The following MAST4 variants were observed in gnomAD, a reference collection of about 807,000 sequenced individuals.
MAST4 encodes the protein microtubule associated serine/threonine kinase family member 4, also known as microtubule-associated serine/threonine-protein kinase 4.
In MAST4, 89 loss-of-function variants were observed where a neutral mutation model predicts 162.7. The ratio of observed to expected loss-of-function variants is 0.55; its 90% confidence interval spans 0.46 to 0.65. The LOEUF is 0.65. MAST4 is among the 30% of genes least tolerant of loss of function. The pLI is 0.00. For synonymous variants in MAST4, 1,479 were observed against 1,361.1 expected (o/e 1.09, Z -1.91); for missense variants, 3,153 against 3,374.0 (o/e 0.93, Z 1.62).
At chr5:66,903,298 A>T (rs1243128459) in intron 4 of MAST4, among the ~76,000 whole-genome samples, 1 of 152,142 alleles carries the variant, frequency 6.6e-6, no homozygotes, top group African/African-American at 2.4e-5. Context: ...TAGCCACTAT[A>T]TTTTTGGTAT....
intron 4 of MAST4, among the ~76,000 whole-genome samples, chr5:67,019,362 A>C (rs569949657): frequency 1.3e-5 from 2 of 152,150 alleles, no homozygotes; most frequent in Non-Finnish European, 2.9e-5. Flanking sequence ...TTTTTCTCCA[A>C]CTGTATTTGG....
chr5:66,867,094 C>T (rs1019766455), intron 3 of MAST4, among the ~76,000 whole-genome samples: 1 of 152,150 alleles, frequency 6.6e-6, no homozygotes, highest in Admixed American at 6.5e-5. Flanking sequence ...TTTTAAGAAG[C>T]AGGCTGGGAG....
rs143969166 is a variant in MAST4 at position 66,951,080 on chromosome 5, G to A, written c.674+51098G>A. Among the ~76,000 whole-genome samples the A allele has an allele frequency of 4.6e-5, 7 of 152,264 alleles. No individual in the cohort carries two copies. The East Asian group carries it at 1.4e-3, about 29-fold the overall frequency. On this transcript the variant is annotated intron_variant, in intron 4 of 28. Coordinates refer to ENST00000403625, the MANE Select transcript of MAST4 (RefSeq NM_001164664.2). ...GCACTTGGGTAATTTTCAGTTTTGG[G>A]TTATTACAAGCAGTGCTACTATTAG... is the stretch of plus-strand genomic sequence containing the variant.
intron 5 of MAST4, among the ~76,000 whole-genome samples, chr5:67,056,027 ATATAT>A (rs1758769608): frequency 6.7e-6 from 1 of 148,546 alleles, no homozygotes; most frequent in Non-Finnish European, 1.5e-5. Flanking sequence ...TGTACATGAT[ATATAT>A]TATATATCCT....
At chr5:66,827,559 GAGATGGAAAAC>G (rs1363138277) in intron 3 of MAST4, among the ~76,000 whole-genome samples, 6 of 152,196 alleles carry the variant, frequency 3.9e-5, no homozygotes, top group African/African-American at 1.4e-4. Context: ...CAGACAGAAA[GAGATGGAAAAC>G]CAGTGGAATA....
At chr5:66,658,760 G>A (rs543669547) in intron 1 of MAST4, among the ~76,000 whole-genome samples, 4 of 152,102 alleles carry the variant, frequency 2.6e-5, no homozygotes, top group Non-Finnish European at 5.9e-5. Context: ...GATGGCTCAC[G>A]CTTGTAATCC....
At chr5:67,028,038 T>C (rs935352750) in intron 4 of MAST4, among the ~76,000 whole-genome samples, 1 of 152,108 alleles carries the variant, frequency 6.6e-6, no homozygotes, top group Non-Finnish European at 1.5e-5. Context: ...TGCTGTGGAG[T>C]TGGGTGTAGA....
At chr5:67,088,262 A>G (rs1763470804) in intron 5 of MAST4, among the ~76,000 whole-genome samples, 1 of 152,212 alleles carries the variant, frequency 6.6e-6, no homozygotes, top group South Asian at 2.1e-4. Flanking sequence ...CACAGGGCTA[A>G]GAATTCGGTG....
At chr5:66,650,885 C>A (rs962933722) in intron 1 of MAST4, among the ~76,000 whole-genome samples, 13 of 152,320 alleles carry the variant, frequency 8.5e-5, no homozygotes, top group Middle Eastern at 3.4e-3. Flanking sequence ...CTGTTCATAT[C>A]CCGTTGATCA....
chr5:66,772,946 T>G (rs1754425337), intron 2 of MAST4, among the ~76,000 whole-genome samples: 1 of 152,210 alleles, frequency 6.6e-6, no homozygotes, highest in African/African-American at 2.4e-5. Context: ...TGAACCCCTG[T>G]GCACACACAC....
At chr5:66,631,654 T>C (rs1393029911) in intron 1 of MAST4, among the ~76,000 whole-genome samples, 2 of 152,146 alleles carry the variant, frequency 1.3e-5, no homozygotes, top group Non-Finnish European at 2.9e-5. Flanking sequence ...TCTTGGTGAT[T>C]GTTGGGTGCT....
chr5:66,656,194 T>C (rs528305223), intron 1 of MAST4, among the ~76,000 whole-genome samples: 2 of 152,346 alleles, frequency 1.3e-5, no homozygotes, highest in South Asian at 4.1e-4. Context: ...TTCTGCTCTG[T>C]ACTTGTCTTA....
intron 2 of MAST4, among the ~76,000 whole-genome samples, chr5:66,778,130 A>G (rs1754687819): frequency 6.6e-6 from 1 of 152,196 alleles, no homozygotes; most frequent in South Asian, 2.1e-4. Flanking sequence ...CATTCTCAGC[A>G]ACACTGCTTG....
chr5:67,030,726 A>G (rs1755207073), intron 4 of MAST4, among the ~76,000 whole-genome samples: 1 of 152,178 alleles, frequency 6.6e-6, no homozygotes. Flanking sequence ...AACCTCTTCT[A>G]AGTGTTCTGT....
At chr5:67,136,174 G>A (rs1019212200) in intron 18 of MAST4, among the ~76,000 whole-genome samples, 2 of 152,046 alleles carry the variant, frequency 1.3e-5, no homozygotes, top group Non-Finnish European at 2.9e-5. Flanking sequence ...GATAATCCCT[G>A]GATGGATATA....
In MAST4 at chr5:66,722,498, A is replaced by G. The variant is rs1175521585; in HGVS notation, c.364-37211A>G. 2.0e-5 allele frequency among the ~76,000 whole-genome samples: 3 copies of G among 149,748 alleles called. No homozygotes were observed. In the East Asian group the frequency reaches 5.8e-4, roughly 29 times the overall value. On this transcript the variant is annotated intron_variant, in intron 1 of 28. Transcript: ENST00000403625. ...TATTTTAAATTATCTATCAAATTAT[A>G]TAATTTTTATTTATTTATTGTCCAC...
intron 5 of MAST4, among the ~76,000 whole-genome samples, chr5:67,067,863 G>C (rs1760435426): frequency 6.6e-6 from 1 of 152,188 alleles, no homozygotes; most frequent in African/African-American, 2.4e-5. Flanking sequence ...TTCAACCAGA[G>C]AAGCTCAACC....
At chr5:66,789,228 T>C (rs1269009422) in intron 3 of MAST4, among the ~76,000 whole-genome samples, 2 of 151,994 alleles carry the variant, frequency 1.3e-5, no homozygotes, top group Non-Finnish European at 2.9e-5. Flanking sequence ...CACACATGAT[T>C]TTTTGAGGTA....
intron 1 of MAST4, among the ~76,000 whole-genome samples, chr5:66,706,324 A>C (rs774043311): frequency 2.6e-5 from 4 of 152,136 alleles, no homozygotes; most frequent in Non-Finnish European, 5.9e-5. Context: ...AGGATTCAGT[A>C]AGTGTCACAA....
Sources: gnomAD v4.1 joint callset for allele counts (sites outside exome capture counted in the v4.1 genomes callset) on GRCh38, gnomAD v4.1.1 for gene constraint, MANE v1.5 for transcripts, NCBI Gene and HGNC (gene_info 2026-07-23, HGNC 2026-07-21) for gene names.